Variants in PLPPR1 observed in about 807,000 individuals in gnomAD.
PLPPR1 encodes the protein phospholipid phosphatase related 1.
In PLPPR1, 10 loss-of-function variants were observed where a neutral mutation model predicts 33.1. The observed-to-expected ratio is 0.30, with a 90% confidence interval of 0.19 to 0.51. The LOEUF (loss-of-function observed/expected upper bound fraction) is 0.51. Ranked by LOEUF, PLPPR1 falls within the 20% of genes least tolerant of loss-of-function variation. The pLI is 0.97. For synonymous variants in PLPPR1, 151 were observed against 151.0 expected (o/e 1.00, Z 0.00); for missense variants, 304 against 408.1 (o/e 0.74, Z 2.20).
At chr9:101,214,513 A>C (rs1406585236) in intron 2 of PLPPR1, among the ~76,000 whole-genome samples, 1 of 152,258 alleles carries the variant, frequency 6.6e-6, no homozygotes, top group Non-Finnish European at 1.5e-5. Flanking sequence ...TCTGGAGCTT[A>C]AATTTTCATT....
intron 2 of PLPPR1, among the ~76,000 whole-genome samples, chr9:101,241,242 G>A (rs184159238): frequency 1.3e-5 from 2 of 152,134 alleles, no homozygotes; most frequent in East Asian, 3.9e-4. Context: ...GACAGATGAG[G>A]TCTCTGTGAG....
chr9:101,282,604 G>A (rs12002545), intron 3 of PLPPR1, among the ~76,000 whole-genome samples: 5,039 of 152,192 alleles, frequency 0.033, 113 homozygotes, highest in Non-Finnish European at 0.048. Flanking sequence ...CAAATTGGAA[G>A]CAAAAACATT....
intron 2 of PLPPR1, among the ~76,000 whole-genome samples, chr9:101,209,430 C>T (rs1041953763): frequency 1.3e-5 from 2 of 152,318 alleles, no homozygotes; most frequent in Admixed American, 6.5e-5. Flanking sequence ...GAATGAAACA[C>T]CTTTGCTCCT....
intron 2 of PLPPR1, among the ~76,000 whole-genome samples, chr9:101,248,298 C>G (rs1827650927): frequency 6.6e-6 from 1 of 152,074 alleles, no homozygotes; most frequent in Admixed American, 6.6e-5. Flanking sequence ...AATATAACTT[C>G]CTGAACCTTT....
chr9:101,090,894 C>G (rs1279205897), intron 1 of PLPPR1, among the ~76,000 whole-genome samples: 1 of 151,858 alleles, frequency 6.6e-6, no homozygotes, highest in African/African-American at 2.4e-5. Context: ...TTTTCCCCAT[C>G]CTCTAAATTC....
At chr9:101,231,128 G>C (rs1827175645) in intron 2 of PLPPR1, among the ~76,000 whole-genome samples, 1 of 151,944 alleles carries the variant, frequency 6.6e-6, no homozygotes, top group Admixed American at 6.6e-5. Flanking sequence ...CAGCAGAAGA[G>C]GGGTTTGAAC....
intron 2 of PLPPR1, among the ~76,000 whole-genome samples, chr9:101,251,148 C>A (rs1399457121): frequency 1.3e-5 from 2 of 152,136 alleles, no homozygotes; most frequent in Middle Eastern, 3.4e-3. Flanking sequence ...TAATTTTAAA[C>A]CGATAGCCCC....
At chr9:101,111,195 C>T (rs1276466951) in intron 1 of PLPPR1, among the ~76,000 whole-genome samples, 1 of 151,870 alleles carries the variant, frequency 6.6e-6, no homozygotes, top group Non-Finnish European at 1.5e-5. Context: ...TCTATGTTTC[C>T]TAAGTACTCT....
chr9:101,045,742 T>C (rs1278952952), intron 1 of PLPPR1, among the ~76,000 whole-genome samples: 1 of 152,220 alleles, frequency 6.6e-6, no homozygotes, highest in Non-Finnish European at 1.5e-5. Context: ...ATCCACCAGA[T>C]GATTTCCAGT....
chr9:101,092,822 A>T (rs1830763990), intron 1 of PLPPR1, among the ~76,000 whole-genome samples: 2 of 152,052 alleles, frequency 1.3e-5, no homozygotes, highest in South Asian at 4.1e-4. Flanking sequence ...TTTGAAAGGG[A>T]ATTACGGTTA....
At chr9:101,285,415 A>G (rs189627085) in intron 3 of PLPPR1, among the ~76,000 whole-genome samples, 27 of 152,330 alleles carry the variant, frequency 1.8e-4, no homozygotes, top group Admixed American at 1.6e-3. Context: ...CAACCAGTTC[A>G]GGGTAGGAGA....
At chr9:101,060,457 C>T (rs1012335834) in intron 1 of PLPPR1, among the ~76,000 whole-genome samples, 4 of 151,864 alleles carry the variant, frequency 2.6e-5, no homozygotes, top group Non-Finnish European at 5.9e-5. Flanking sequence ...AAGTAAATTT[C>T]ATATGTTTTC....
intron 1 of PLPPR1, among the ~76,000 whole-genome samples, chr9:101,149,505 G>T (rs897189223): frequency 2.0e-5 from 3 of 152,124 alleles, no homozygotes; most frequent in African/African-American, 7.2e-5. Flanking sequence ...CCTAAAGTAA[G>T]TTCCATACCT....
intron 2 of PLPPR1, among the ~76,000 whole-genome samples, chr9:101,263,923 C>T (rs1168340724): frequency 5.9e-5 from 9 of 152,146 alleles, no homozygotes. Context: ...TTCCTTCTCT[C>T]TCCTTCCTCC....
intron 1 of PLPPR1, among the ~76,000 whole-genome samples, chr9:101,147,194 C>T (rs1174636693): frequency 6.6e-6 from 1 of 152,114 alleles, no homozygotes; most frequent in Non-Finnish European, 1.5e-5. Context: ...AATTCTACCT[C>T]GTGCTTAGTG....
At chr9:101,133,846 C>G (rs1831346187) in intron 1 of PLPPR1, among the ~76,000 whole-genome samples, 1 of 152,142 alleles carries the variant, frequency 6.6e-6, no homozygotes, top group Non-Finnish European at 1.5e-5. Context: ...TTAGACAACC[C>G]AGGTGCAAGT....
intron 4 of PLPPR1, among the ~76,000 whole-genome samples, chr9:101,294,484 G>A (rs1588114841): frequency 2.0e-5 from 3 of 152,162 alleles, no homozygotes; most frequent in Non-Finnish European, 2.9e-5. Context: ...CCAAAGCCTG[G>A]CACAGACACA....
chr9:101,169,062 A>G (rs1825900592), intron 1 of PLPPR1, among the ~76,000 whole-genome samples: 2 of 152,166 alleles, frequency 1.3e-5, no homozygotes, highest in South Asian at 2.1e-4. Context: ...TAAGAATCAT[A>G]TTCATTACTT....
intron 1 of PLPPR1, among the ~76,000 whole-genome samples, chr9:101,153,958 T>C (rs1831637625): frequency 6.6e-6 from 1 of 152,166 alleles, no homozygotes. Context: ...TCTGCATCTA[T>C]TGAGATGATC....
Sources: allele counts gnomAD v4.1 joint callset (sites outside exome capture counted in the v4.1 genomes callset), GRCh38; gene constraint gnomAD v4.1.1; transcripts MANE v1.5; gene names NCBI Gene and HGNC (gene_info 2026-07-23, HGNC 2026-07-21).